FCRL1: variants seen among roughly 807,000 people sequenced by gnomAD.
FCRL1 encodes the protein Fc receptor like 1.
In FCRL1, 34 loss-of-function variants were observed where a neutral mutation model predicts 49.2. The observed-to-expected ratio is 0.69, with a 90% CI of 0.53 to 0.92. FCRL1 has a LOEUF of 0.92. FCRL1 is among the 40% of genes least tolerant of loss of function. The pLI is 0.00. For missense variants in FCRL1, 524 were observed against 524.1 expected, an observed-to-expected ratio of 1.00 and a Z score of 0.00; for synonymous variants, 218 against 201.6, an observed-to-expected ratio of 1.08 and a Z score of -0.69.
intron 2 of FCRL1, 63 bp downstream of exon 2, chr1:157,807,039 C>G: frequency 6.3e-7 from 1 of 1,594,462 alleles, no homozygotes; most frequent in Non-Finnish European, 8.6e-7. Flanking sequence ...TGCAGGCCTC[C>G]TGTGCTGACC....
At position 157,797,861 on chromosome 1, in the gene FCRL1, G is replaced by T; in HGVS notation, c.1186+7C>A. The T allele has an allele frequency of 6.2e-7, 1 of 1,614,128 alleles. No homozygotes were observed. Among genetic ancestry groups the T allele is most frequent in the Non-Finnish European group, 8.5e-7 (1 of 1,180,004 alleles). On this transcript the variant is annotated splice_region_variant and intron_variant, in intron 9 of 10. Coordinates refer to ENST00000368176, the MANE Select transcript of FCRL1 (RefSeq NM_052938.5). The stretch of plus-strand genomic sequence containing the variant: ...GTCAGAGACAAATTTACTCCCCCAT[G>T]TCTCACCTGCTACTGATTCCTGCTC...
chr1:157,801,227 A>G (rs1652415395), intron 6 of FCRL1, among the ~76,000 whole-genome samples: 1 of 152,188 alleles, frequency 6.6e-6, no homozygotes, highest in Non-Finnish European at 1.5e-5. Context: ...AAATCACAGA[A>G]GCACAAAATA....
At chr1:157,801,081 G>A (rs1013052201) in intron 6 of FCRL1, among the ~76,000 whole-genome samples, 1 of 152,006 alleles carries the variant, frequency 6.6e-6, no homozygotes. Flanking sequence ...TAGTAAAGAT[G>A]GGGTTTCACC....
intron 1 of FCRL1, among the ~76,000 whole-genome samples, chr1:157,816,875 G>A (rs894496089): frequency 6.6e-6 from 1 of 151,462 alleles, no homozygotes; most frequent in Non-Finnish European, 1.5e-5. Context: ...TGAACTACCT[G>A]CAAAAGAAAT....
rs569150866 is a variant in FCRL1, at chr1:157,804,864, T to C, written c.53-753A>G. 1.1e-4 allele frequency among the ~76,000 whole-genome samples: 17 copies of C among 151,504 alleles called. No individual in the cohort carries two copies. The South Asian group carries it at 3.6e-3, about 32-fold the overall frequency. The stretch of plus-strand genomic sequence containing the variant: ...AGGGGCTCTTTTCTTTTTCTTTTTT[T>C]TTTTTTCCTTTTTGAGACAGGGTCA... On this transcript the variant is annotated intron_variant, in intron 2 of 10. Coordinates refer to ENST00000368176, the MANE Select transcript of FCRL1 (RefSeq NM_052938.5).
At chr1:157,817,333 A>G (rs2101912243) in intron 1 of FCRL1, among the ~76,000 whole-genome samples, 1 of 152,260 alleles carries the variant, frequency 6.6e-6, no homozygotes, top group South Asian at 2.1e-4. Context: ...ACAGACACAT[A>G]GACCAATGAA....
chr1:157,796,047 C>A lies in FCRL1; in HGVS notation c.*52G>T. ...CAGGATCTCTGAAGAACATATCAGG[C>A]CTGAGGCTTGGGGTCATGGATGGTT... On this transcript the variant is annotated 3_prime_UTR_variant, in exon 11 of 11. Coordinates refer to ENST00000368176, the MANE Select transcript of FCRL1 (RefSeq NM_052938.5). 6.8e-7 allele frequency: 1 copy of A among 1,473,436 alleles called. No individual in the cohort carries two copies. Among genetic ancestry groups the A allele is most frequent in the Non-Finnish European group, 9.5e-7 (1 of 1,051,862 alleles). The allele number at this position is 1,473,436 out of a possible 1,614,324, so 91.3% of individuals were successfully genotyped here.
intron 9 of FCRL1, 91 bp from the exon 10 acceptor site, chr1:157,797,223 C>A (rs1651649209): frequency 8.5e-7 from 1 of 1,174,888 alleles, no homozygotes. Flanking sequence ...CCTCTCCCAT[C>A]TATTTCCCAT....
rs775219832 is a variant in FCRL1, at chr1:157,801,560, T to C, written c.904A>G (p.Ser302Gly). Reference sequence around the variant, plus strand: ...ATGACTCCTGAGGTAAGATGATTGCTTCTGGCCCCAGTAGGCACTAGAGGG... The same window carrying C: ...ATGACTCCTGAGGTAAGATGATTGCCTCTGGCCCCAGTAGGCACTAGAGGG... ...LNFTVPTGAR[S>G]NHLTSGVIEG... The change falls in exon 6 of 11, where the codon AGC (serine) becomes GGC (glycine). Residue 302 changes from serine (S) to glycine (G), a missense_variant. Physicochemically the swap from Ser to Gly is moderately conservative, Grantham distance 56 (BLOSUM62 0). Transcript: ENST00000368176. 1 of 1,613,524 alleles carries C rather than the reference T, an allele frequency of 6.2e-7. No homozygotes were observed. The highest frequency in any genetic ancestry group is 1.1e-5 in the South Asian group (1 of 91,048).
intron 1 of FCRL1, among the ~76,000 whole-genome samples, chr1:157,816,180 A>G (rs540870608): frequency 8.5e-5 from 13 of 152,116 alleles, no homozygotes; most frequent in Admixed American, 5.9e-4. Context: ...TCCGATAGAC[A>G]TAGATGTGCA....
intron 2 of FCRL1, 109 bp downstream of exon 2, chr1:157,806,993 T>A: frequency 2.5e-6 from 3 of 1,199,398 alleles, no homozygotes; most frequent in Non-Finnish European, 2.4e-6. Flanking sequence ...CACCCTGATA[T>A]GTTTTGGGCA....
intron 9 of FCRL1, among the ~76,000 whole-genome samples, chr1:157,797,335 T>C (rs1259583284): frequency 6.6e-6 from 1 of 152,000 alleles, no homozygotes; most frequent in Non-Finnish European, 1.5e-5. Flanking sequence ...GGTGGGAGGG[T>C]AAGTAGACCC....
chr1:157,804,254 C>CT, intron 2 of FCRL1, 143 bp from the exon 3 acceptor site: 3 of 937,812 alleles, frequency 3.2e-6, no homozygotes, highest in Non-Finnish European at 4.6e-6. Context: ...CCACCCCCCC[C>CT]CCAGTGGCCC....
At position 157,807,094 on chromosome 1, in the gene FCRL1, C is replaced by T. The variant is rs1200173059; in HGVS notation, c.52+8G>A. ...AGACCTTGAAGAAGAAAAGGAAGTG[C>T]AACTCACCGGCAGGTTCACAGAGTG... On this transcript the variant is annotated splice_region_variant and intron_variant, in intron 2 of 10. Coordinates refer to ENST00000368176, the MANE Select transcript of FCRL1 (RefSeq NM_052938.5). 6.2e-7 allele frequency: 1 copy of T among 1,613,626 alleles called. No homozygotes were observed. The highest frequency in any genetic ancestry group is 2.2e-5 in the East Asian group (1 of 44,870).
At chr1:157,808,708 A>G (rs1211576186) in intron 1 of FCRL1, among the ~76,000 whole-genome samples, 1 of 152,254 alleles carries the variant, frequency 6.6e-6, no homozygotes, top group Non-Finnish European at 1.5e-5. Context: ...TAGAAGTGAA[A>G]GAAAAGCAGG....
chr1:157,798,062 G>C, intron 8 of FCRL1, 99 bp downstream of exon 8: 1 of 1,498,434 alleles, frequency 6.7e-7, no homozygotes, highest in Non-Finnish European at 9.3e-7. Context: ...GCAGAGGCTA[G>C]GGCACAGCAA....
chr1:157,797,663 C>A, intron 9 of FCRL1: 1 of 1,356,268 alleles, frequency 7.4e-7, no homozygotes, highest in Non-Finnish European at 1.0e-6. Flanking sequence ...CAGCCCATCC[C>A]CAGGGGAAAG....
intron 1 of FCRL1, among the ~76,000 whole-genome samples, chr1:157,808,285 G>A (rs1457555177): frequency 1.3e-5 from 2 of 152,268 alleles, no homozygotes; most frequent in South Asian, 4.1e-4. Flanking sequence ...CTTTCAGAGG[G>A]TGATTGGTTC....
intron 1 of FCRL1, among the ~76,000 whole-genome samples, chr1:157,817,283 A>G (rs1371702089): frequency 6.6e-6 from 1 of 152,088 alleles, no homozygotes; most frequent in Non-Finnish European, 1.5e-5. Flanking sequence ...AATAATCTAC[A>G]AACCTATAAT....
Sources: gnomAD v4.1 joint callset for allele counts (sites outside exome capture counted in the v4.1 genomes callset) on GRCh38, gnomAD v4.1.1 for gene constraint, MANE v1.5 for transcripts, NCBI Gene and HGNC (gene_info 2026-07-23, HGNC 2026-07-21) for gene names.